Variants in HINFP observed in about 807,000 individuals in gnomAD.
HINFP encodes MBD2 (methyl-CpG-binding protein)-interacting zinc finger protein.
HINFP carries 20 observed loss-of-function variants against 50.1 expected under a neutral mutation model. The ratio of observed to expected loss-of-function variants is 0.40; its 90% CI spans 0.28 to 0.58. The LOEUF (loss-of-function observed/expected upper bound fraction) is 0.58, where lower values mean the gene tolerates loss of function less well. HINFP is among the 20% of genes least tolerant of loss of function. The pLI is 0.45. For synonymous variants in HINFP, 247 were observed against 243.7 expected, an observed-to-expected ratio of 1.01 and a Z score of -0.13; for missense variants, 505 against 664.1, an observed-to-expected ratio of 0.76 and a Z score of 2.63.
intron 2 of HINFP, among the ~76,000 whole-genome samples, chr11:119,129,490 C>CTTTTTTTTCTTTTTTTTT (rs776476604): frequency 3.2e-5 from 4 of 124,188 alleles, no homozygotes; most frequent in African/African-American, 1.2e-4. Flanking sequence ...TTTTTCTTTT[C>CTTTTTTTTCTTTTTTTTT]TTTTTTTTTT....
Position 119,134,569 on chromosome 11 carries a change from T to A in HINFP, c.*71T>A, listed in dbSNP as rs1327946105. ...GCCAGGCAAGTGGCAGTGCCCCTAG[T>A]GGGCAGCCGTTGCCAATGGATGCCT... On this transcript the variant is annotated 3_prime_UTR_variant, in exon 10 of 10. Coordinates refer to ENST00000350777, the MANE Select transcript of HINFP (RefSeq NM_198971.3). This position sits in a 1 kb window ranked among gnomAD's most constrained non-coding sequence, Gnocchi z 4.3. The A allele has an allele frequency of 7.9e-7, 1 of 1,263,362 alleles. No homozygotes were observed. Among genetic ancestry groups the A allele is most frequent in the African/African-American group, 1.5e-5 (1 of 66,756 alleles). The allele number at this position is 1,263,362 out of a possible 1,614,324, so 78.3% of individuals were successfully genotyped here.
Position 119,130,920 on chromosome 11 carries a change from C to G in HINFP, c.377C>G (p.Pro126Arg). ...AGCCGGAACGTCATCCCTGATATCC[C>G]TGACCACTTCCTGTGTCTGTGGGAG... ...FQSRNVIPDI[P>R]DHFLCLWEHC... Residue 126 changes from proline to arginine, a missense_variant, in exon 3 of 10, where the codon CCT becomes CGT. Coordinates refer to ENST00000350777, the MANE Select transcript of HINFP (RefSeq NM_198971.3). 1.2e-6 allele frequency: 2 copies of G among 1,614,238 alleles called. No homozygotes were observed. The highest frequency in any genetic ancestry group is 1.7e-6 in the Non-Finnish European group (2 of 1,180,048).
chr11:119,134,069 C>T lies in HINFP; in HGVS notation c.1140-15C>T, dbSNP rs1947931250. ...CTGCCTGGGTTTGCTGCCCTTTATG[C>T]TCCTACCTCACCAGGTACAAGGAAC... is the stretch of plus-strand genomic sequence containing the variant. On this transcript the variant is annotated splice_polypyrimidine_tract_variant and intron_variant, in intron 9 of 9. Coordinates refer to ENST00000350777, the MANE Select transcript of HINFP (RefSeq NM_198971.3). This position sits in a 1 kb window ranked among gnomAD's most constrained non-coding sequence, Gnocchi z 4.3. 1 of 1,614,088 alleles carries T rather than the reference C, an allele frequency of 6.2e-7. No individual in the cohort carries two copies. The highest frequency in any genetic ancestry group is 8.5e-7 in the Non-Finnish European group (1 of 1,179,988).
chr11:119,128,471 A>G (rs1236360256), intron 2 of HINFP, among the ~76,000 whole-genome samples: 1 of 150,442 alleles, frequency 6.6e-6, no homozygotes, highest in Non-Finnish European at 1.5e-5. Flanking sequence ...ACGCCCGTCT[A>G]ATTTTTTTTT....
intron 2 of HINFP, among the ~76,000 whole-genome samples, chr11:119,129,193 A>C (rs1947601865): frequency 6.6e-6 from 1 of 151,950 alleles, no homozygotes; most frequent in South Asian, 2.1e-4. Context: ...GGTGCCCGCC[A>C]CCACGCCCGG....
At chr11:119,128,013 C>T (rs923482539) in intron 2 of HINFP, among the ~76,000 whole-genome samples, 2 of 151,974 alleles carry the variant, frequency 1.3e-5, no homozygotes, top group African/African-American at 4.8e-5. Flanking sequence ...GCCACCACGC[C>T]CAACTAATTT....
Position 119,135,045 on chromosome 11 carries a change from T to G in HINFP, c.*547T>G, listed in dbSNP as rs1947997436. The G allele has an allele frequency of 6.5e-6, 1 of 152,986 alleles. No individual in the cohort carries two copies. Among genetic ancestry groups the G allele is most frequent in the African/African-American group, 2.4e-5 (1 of 41,464 alleles). 9.5% of individuals were successfully genotyped at this position (152,986 alleles called of 1,614,324 possible). ...TTGTTTTTGGTAATAAAATAAATGC[T>G]TGGACTCTTATTTATTTCTTCTTAC... On this transcript the variant is annotated 3_prime_UTR_variant, in exon 10 of 10. Coordinates refer to ENST00000350777, the MANE Select transcript of HINFP (RefSeq NM_198971.3).
intron 1 of HINFP, 25 bp from the exon 2 acceptor site, chr11:119,126,910 T>C: frequency 6.3e-7 from 1 of 1,579,020 alleles, no homozygotes; most frequent in Non-Finnish European, 8.6e-7. Flanking sequence ...TTCTTGCAGC[T>C]GTGGATTTCT....
intron 9 of HINFP, chr11:119,133,815 C>A: frequency 1.8e-6 from 1 of 563,682 alleles, no homozygotes; most frequent in South Asian, 2.2e-5. Flanking sequence ...TCTCATAAAT[C>A]CTTTGACACT....
At chr11:119,127,649 T>C (rs1947489959) in intron 2 of HINFP, among the ~76,000 whole-genome samples, 1 of 152,030 alleles carries the variant, frequency 6.6e-6, no homozygotes, top group Admixed American at 6.6e-5. Context: ...GGGATCCTCC[T>C]GCCTCAACCT....
At chr11:119,130,546 A>C in intron 2 of HINFP, 179 bp from the exon 3 acceptor site, 1 of 599,560 alleles carries the variant, frequency 1.7e-6, no homozygotes, top group South Asian at 2.0e-5. Flanking sequence ...AGTCCCTCTA[A>C]CTGGCACACA....
In HINFP at chr11:119,131,475, A is replaced by T; in HGVS notation, c.412-60A>T. 1 of 1,128,050 alleles carries T rather than the reference A, an allele frequency of 8.9e-7. No homozygotes were observed. The highest frequency in any genetic ancestry group is 1.5e-5 in the African/African-American group (1 of 65,694). 69.9% of individuals were successfully genotyped at this position (1,128,050 alleles called of 1,614,324 possible). A position where few individuals can be genotyped will look rare whatever the true frequency, so the allele number is the denominator to read the frequency against. Reference sequence around the variant, plus strand: ...GGAGAGAGCCAAGAATTCTTCGGGCACATAGGGGTGAGTCCCTCTACCCAC... The same window carrying T: ...GGAGAGAGCCAAGAATTCTTCGGGCTCATAGGGGTGAGTCCCTCTACCCAC... On this transcript the variant is annotated intron_variant, in intron 3 of 9. Transcript: ENST00000350777. The surrounding 1 kb of genome is among the most constrained non-coding windows in gnomAD (Gnocchi z 4.2).
At chr11:119,128,587 C>G (rs962030213) in intron 2 of HINFP, among the ~76,000 whole-genome samples, 4 of 152,062 alleles carry the variant, frequency 2.6e-5, no homozygotes, top group African/African-American at 9.7e-5. Flanking sequence ...CTCAGCCTCC[C>G]AAAGTGCTGG....
chr11:119,124,054 AAGCCAT>A (rs1947249160), intron 1 of HINFP: 1 of 152,110 alleles, frequency 6.6e-6, no homozygotes, highest in African/African-American at 2.4e-5. Flanking sequence ...TCCTGAGCTC[AAGCCAT>A]TTGCTCACCT....
At position 119,131,379 on chromosome 11, in the gene HINFP, G is replaced by T; in HGVS notation, c.412-156G>T. 1 of 643,506 alleles carries T rather than the reference G, an allele frequency of 1.6e-6. No homozygotes were observed. The highest frequency in any genetic ancestry group is 1.7e-5 in the South Asian group (1 of 57,816). 39.9% of individuals were successfully genotyped at this position (643,506 alleles called of 1,614,324 possible). A position where few individuals can be genotyped will look rare whatever the true frequency, so the allele number is the denominator to read the frequency against. On this transcript the variant is annotated intron_variant, in intron 3 of 9. Transcript: ENST00000350777. The surrounding 1 kb of genome is among the most constrained non-coding windows in gnomAD (Gnocchi z 4.2). ...GCTGGGATTACAGGGTTTAGCAACC[G>T]CACCCGGCCACTCCTCCATTTCTGT...
Position 119,134,634 on chromosome 11 carries a change from T to C in HINFP, c.*136T>C, listed in dbSNP as rs1947977013. On this transcript the variant is annotated 3_prime_UTR_variant, in exon 10 of 10. Transcript: ENST00000350777. This position sits in a 1 kb window ranked among gnomAD's most constrained non-coding sequence, Gnocchi z 4.3. Reference sequence around the variant, plus strand: ...GAGAGCAGTGTGGTCCACTCTGGCCTGGGTTTGCATCATTCTGCAGACTCT... The same window carrying C: ...GAGAGCAGTGTGGTCCACTCTGGCCCGGGTTTGCATCATTCTGCAGACTCT... 2 of 645,968 alleles carry C rather than the reference T, an allele frequency of 3.1e-6. No individual in the cohort carries two copies. The highest frequency in any genetic ancestry group is 5.9e-5 in the Admixed American group (2 of 33,754). 40.0% of individuals were successfully genotyped at this position (645,968 alleles called of 1,614,324 possible). A position where few individuals can be genotyped will look rare whatever the true frequency, so the allele number is the denominator to read the frequency against.
intron 9 of HINFP, 138 bp from the exon 10 acceptor site, chr11:119,133,946 C>CTTTTTT: frequency 8.6e-7 from 1 of 1,156,180 alleles, no homozygotes; most frequent in Non-Finnish European, 1.2e-6. Context: ...CAATAAAGAC[C>CTTTTTT]TTTTTTGTCT....
chr11:119,133,714 A>T lies in HINFP; in HGVS notation c.1140-370A>T, dbSNP rs527711951. ...TTCTGTTTTTTGAATCTTGTAAGGC[A>T]TGGTGCCAAACCCAATAAATGGTGC... is the stretch of plus-strand genomic sequence containing the variant. On this transcript the variant is annotated intron_variant, in intron 9 of 9. Coordinates refer to ENST00000350777, the MANE Select transcript of HINFP (RefSeq NM_198971.3). 15 of 318,586 alleles carry T rather than the reference A, an allele frequency of 4.7e-5. No homozygotes were observed. In the Admixed American group the frequency reaches 5.3e-4, roughly 11 times the overall value. 19.7% of individuals were successfully genotyped at this position (318,586 alleles called of 1,614,324 possible). A position where few individuals can be genotyped will look rare whatever the true frequency, so the allele number is the denominator to read the frequency against.
intron 9 of HINFP, 47 bp downstream of exon 9, chr11:119,133,266 A>G (rs1416098606): frequency 1.2e-6 from 2 of 1,604,572 alleles, no homozygotes; most frequent in East Asian, 2.2e-5. Flanking sequence ...TTGTTTTTAT[A>G]CCTTTTCAAC....
Sources: allele counts gnomAD v4.1 joint callset (sites outside exome capture counted in the v4.1 genomes callset), GRCh38; gene constraint gnomAD v4.1.1; non-coding constraint Gnocchi (gnomAD v3.1); transcripts MANE v1.5; gene names NCBI Gene and HGNC (gene_info 2026-07-23, HGNC 2026-07-21).